CCDC178: variants seen among roughly 807,000 people sequenced by gnomAD.
CCDC178 encodes coiled-coil domain-containing protein 178.
CCDC178 carries 126 observed loss-of-function variants against 117.4 expected under a neutral mutation model. The ratio of observed to expected loss-of-function variants is 1.07; its 90% confidence interval spans 0.93 to 1.24. The LOEUF is 1.24. CCDC178 is among the 50% of genes most tolerant of loss of function. The pLI, the probability that CCDC178 is intolerant of heterozygous loss-of-function variation, is 0.00. For missense variants in CCDC178, 1,030 were observed against 986.9 expected (o/e 1.04, Z -0.59); for synonymous variants, 283 against 313.4 (o/e 0.90, Z 1.02).
intron 6 of CCDC178, among the ~76,000 whole-genome samples, chr18:33,364,711 G>A (rs188400287): frequency 1.7e-3 from 246 of 146,116 alleles, no homozygotes; most frequent in Middle Eastern, 7.2e-3. Context: ...ACAACAGTTT[G>A]AAGCATTTCT....
At chr18:33,010,884 C>T (rs993754942) in intron 21 of CCDC178, among the ~76,000 whole-genome samples, 32 of 152,158 alleles carry the variant, frequency 2.1e-4, no homozygotes, top group African/African-American at 7.7e-4. Context: ...TGCTCTTCAA[C>T]CTTAAATCAG....
intron 21 of CCDC178, among the ~76,000 whole-genome samples, chr18:33,046,753 A>G (rs1173686695): frequency 6.6e-6 from 1 of 152,156 alleles, no homozygotes; most frequent in East Asian, 1.9e-4. Context: ...ATCTCTAGGC[A>G]GGGGAGCGAG....
chr18:32,944,594 G>T (rs1179612684), intron 22 of CCDC178, among the ~76,000 whole-genome samples: 1 of 152,124 alleles, frequency 6.6e-6, no homozygotes, highest in Non-Finnish European at 1.5e-5. Context: ...TGTTCTTACA[G>T]CTCTTGCGTA....
chr18:33,075,372 C>A (rs2057185969), intron 21 of CCDC178, among the ~76,000 whole-genome samples: 1 of 152,058 alleles, frequency 6.6e-6, no homozygotes. Flanking sequence ...GCTAATTAAT[C>A]TATATTTGCT....
At chr18:33,282,085 G>A (rs2060032691) in intron 12 of CCDC178, among the ~76,000 whole-genome samples, 1 of 152,064 alleles carries the variant, frequency 6.6e-6, no homozygotes, top group Admixed American at 6.6e-5. Flanking sequence ...GAGAAAGCTG[G>A]GAACCCTGCA....
At position 32,959,318 on chromosome 18, in the gene CCDC178, G is replaced by A. The variant is rs769522328; in HGVS notation, c.2523+15229C>T. On this transcript the variant is annotated intron_variant, in intron 22 of 22. Transcript: ENST00000383096. ...AAAATCCAAAGGTTAAGCCTCCTAT[G>A]TTTAAGAACCTATGAGACTCTGTTG... 6.2e-4 allele frequency among the ~76,000 whole-genome samples: 95 copies of A among 152,116 alleles called. 1 individual carries two copies. The highest frequency in any genetic ancestry group is 1.3e-3 in the Non-Finnish European group (86 of 68,008).
chr18:33,007,630 G>A (rs907921963), intron 21 of CCDC178, among the ~76,000 whole-genome samples: 1 of 152,100 alleles, frequency 6.6e-6, no homozygotes, highest in Non-Finnish European at 1.5e-5. Flanking sequence ...TTGCTGACAA[G>A]ATAGGGGTAG....
chr18:33,354,996 T>A (rs2063034408), intron 7 of CCDC178, among the ~76,000 whole-genome samples: 1 of 152,214 alleles, frequency 6.6e-6, no homozygotes, highest in Non-Finnish European at 1.5e-5. Context: ...TTAACTTAGT[T>A]ATTTGTTCAT....
At chr18:33,419,241 A>C (rs2063989923) in intron 2 of CCDC178, among the ~76,000 whole-genome samples, 1 of 152,112 alleles carries the variant, frequency 6.6e-6, no homozygotes, top group Non-Finnish European at 1.5e-5. Context: ...AGCTATATGC[A>C]AAAGATTGAA....
intron 2 of CCDC178, among the ~76,000 whole-genome samples, chr18:33,436,578 T>C (rs965917684): frequency 6.6e-6 from 1 of 152,364 alleles, no homozygotes; most frequent in Middle Eastern, 3.4e-3. Context: ...CCAGAGCTAC[T>C]GACCCTTGGC....
intron 6 of CCDC178, among the ~76,000 whole-genome samples, chr18:33,369,735 A>G (rs1445494966): frequency 1.3e-5 from 2 of 151,970 alleles, no homozygotes; most frequent in Non-Finnish European, 2.9e-5. Context: ...TTAGTGTCCC[A>G]AAAAGTATGT....
chr18:33,350,920 G>A (rs2062968010), intron 7 of CCDC178, among the ~76,000 whole-genome samples: 1 of 151,994 alleles, frequency 6.6e-6, no homozygotes. Context: ...GAAGAAAAGT[G>A]GAAAGAGTGG....
chr18:32,943,357 T>C (rs1308401006), intron 22 of CCDC178, among the ~76,000 whole-genome samples: 1 of 152,210 alleles, frequency 6.6e-6, no homozygotes, highest in African/African-American at 2.4e-5. Flanking sequence ...CAAATGATCA[T>C]GCTCCGTGAT....
chr18:32,958,237 ATAGTTAGTGAT>A (rs1176623642), intron 22 of CCDC178: 1 of 555,602 alleles, frequency 1.8e-6, no homozygotes, highest in Non-Finnish European at 3.3e-6. Flanking sequence ...AAACAAAAAC[ATAGTTAGTGAT>A]TATACTAAAA....
In CCDC178 at chr18:33,198,478, G is replaced by A. The variant is rs547758379; in HGVS notation, c.2238+13418C>T. Among the ~76,000 whole-genome samples the A allele has an allele frequency of 3.9e-5, 6 of 152,218 alleles. No individual in the cohort carries two copies. The East Asian group carries it at 1.2e-3, about 29-fold the overall frequency. On this transcript the variant is annotated intron_variant, in intron 20 of 22. Coordinates refer to ENST00000383096, the MANE Select transcript of CCDC178 (RefSeq NM_001105528.4). ...ATTTTTTATGAAAGCAGGACAAGGT[G>A]ACCTTCTTGAAGGTAAGAACTCTCA...
chr18:33,419,484 G>A (rs1955278596), intron 2 of CCDC178, among the ~76,000 whole-genome samples: 1 of 152,134 alleles, frequency 6.6e-6, no homozygotes, highest in Non-Finnish European at 1.5e-5. Flanking sequence ...ACTATCAACA[G>A]AGTAAACAGA....
intron 14 of CCDC178, among the ~76,000 whole-genome samples, chr18:33,252,018 T>TAA (rs2059623652): frequency 6.6e-6 from 1 of 151,722 alleles, no homozygotes; most frequent in Non-Finnish European, 1.5e-5. Flanking sequence ...GATATAAAAA[T>TAA]GTAGTAAGGA....
intron 21 of CCDC178, among the ~76,000 whole-genome samples, chr18:32,992,049 T>C (rs1272520058): frequency 6.6e-6 from 1 of 152,234 alleles, no homozygotes; most frequent in African/African-American, 2.4e-5. Flanking sequence ...ATGTAGAAAC[T>C]TGGTCATAGT....
intron 3 of CCDC178, among the ~76,000 whole-genome samples, chr18:33,406,504 T>G (rs945263703): frequency 1.6e-4 from 24 of 151,906 alleles, no homozygotes; most frequent in Admixed American, 1.4e-3. Flanking sequence ...GGACCAAATT[T>G]GAGGAGATGA....
Sources: gnomAD v4.1 joint callset for allele counts (sites outside exome capture counted in the v4.1 genomes callset) on GRCh38, gnomAD v4.1.1 for gene constraint, MANE v1.5 for transcripts, NCBI Gene and HGNC (gene_info 2026-07-23, HGNC 2026-07-21) for gene names.